DIAPH2: variants seen among roughly 807,000 people sequenced by gnomAD.
DIAPH2 encodes the protein diaphanous related formin 2, also known as protein diaphanous homolog 2.
DIAPH2 carries 35 observed loss-of-function variants against 92.7 expected under a neutral mutation model. That is an observed-to-expected ratio of 0.38 (90% confidence interval 0.29 to 0.50). The LOEUF (loss-of-function observed/expected upper bound fraction) is 0.50. Ranked by LOEUF, DIAPH2 falls within the 20% of genes least tolerant of loss-of-function variation. DIAPH2 has a pLI of 0.94. For synonymous variants in DIAPH2, 301 were observed against 280.4 expected (o/e 1.07, Z -0.73); for missense variants, 701 against 819.5 (o/e 0.86, Z 1.77).
intron 4 of DIAPH2, among the ~76,000 whole-genome samples, chrX:96,870,900 T>A (rs2065137403): frequency 8.9e-6 from 1 of 112,159 alleles, no homozygotes; most frequent in South Asian, 3.7e-4. Context: ...AAAAGTATTA[T>A]TAAACTTGCT....
At chrX:96,958,816 G>C (rs886947401) in intron 16 of DIAPH2, among the ~76,000 whole-genome samples, 3 of 111,337 alleles carry the variant, frequency 2.7e-5, no homozygotes, top group Non-Finnish European at 5.7e-5. Context: ...CTATATATGA[G>C]TGAGAATATA....
intron 19 of DIAPH2, among the ~76,000 whole-genome samples, chrX:97,096,586 G>C (rs1267306124): frequency 9.0e-6 from 1 of 111,612 alleles, no homozygotes; most frequent in African/African-American, 3.3e-5. Context: ...AGTTTCCCAC[G>C]GGGCACAGCT....
At chrX:97,276,951 C>A (rs2068456493) in intron 23 of DIAPH2, among the ~76,000 whole-genome samples, 1 of 112,446 alleles carries the variant, frequency 8.9e-6, no homozygotes, top group Non-Finnish European at 1.9e-5. Flanking sequence ...GTGGTACAAT[C>A]TATGATCATC....
intron 23 of DIAPH2, among the ~76,000 whole-genome samples, chrX:97,332,991 G>A (rs2069014866): frequency 8.9e-6 from 1 of 112,105 alleles, no homozygotes; most frequent in African/African-American, 3.2e-5. Flanking sequence ...GATATTTGTA[G>A]TAAAATCATC....
At chrX:97,244,748 T>C (rs1229365211) in intron 22 of DIAPH2, among the ~76,000 whole-genome samples, 1 of 111,998 alleles carries the variant, frequency 8.9e-6, no homozygotes, top group Non-Finnish European at 1.9e-5. Context: ...TCTATGTCCC[T>C]TTATTTTCAG....
intron 4 of DIAPH2, among the ~76,000 whole-genome samples, chrX:96,843,218 A>C (rs375091557): frequency 1.7e-3 from 186 of 111,429 alleles, no homozygotes; most frequent in African/African-American, 5.8e-3. Context: ...TCTCCATGTG[A>C]CATGCAAGCT....
intron 20 of DIAPH2, among the ~76,000 whole-genome samples, chrX:97,111,025 T>C (rs1222272081): frequency 9.0e-6 from 1 of 111,577 alleles, no homozygotes; most frequent in African/African-American, 3.3e-5. Flanking sequence ...ATTTGATGTC[T>C]GAGAAGATGG....
Position 97,453,843 on chromosome X carries a change from C to G in DIAPH2, c.3241+24098C>G, listed in dbSNP as rs972842048. The G allele has an allele frequency of 6.3e-5, 7 of 111,312 alleles. No homozygotes were observed. The Admixed American group carries it at 6.7e-4, about 11-fold the overall frequency. 9.2% of individuals were successfully genotyped at this position (111,312 alleles called of 1,213,427 possible). On this transcript the variant is annotated intron_variant, in intron 26 of 26. Transcript: ENST00000324765. Reference sequence around the variant, plus strand: ...GCAGAAATAAATTTAAACGAGGGAACTTTTATATCTGTGTAGGTGTGTATT... The same window carrying G: ...GCAGAAATAAATTTAAACGAGGGAAGTTTTATATCTGTGTAGGTGTGTATT...
At chrX:97,244,002 G>T (rs1016290538) in intron 22 of DIAPH2, among the ~76,000 whole-genome samples, 2 of 111,618 alleles carry the variant, frequency 1.8e-5, no homozygotes, top group African/African-American at 6.5e-5. Context: ...TAGGCAGCTT[G>T]GAGTTTTATA....
At chrX:97,307,760 T>G (rs2068758962) in intron 23 of DIAPH2, among the ~76,000 whole-genome samples, 1 of 108,348 alleles carries the variant, frequency 9.2e-6, no homozygotes, top group Admixed American at 1.0e-4. Context: ...AATACAAAAT[T>G]AGCCGGGCGT....
At chrX:96,882,968 A>AC (rs1422660711) in intron 5 of DIAPH2, among the ~76,000 whole-genome samples, 2 of 78,459 alleles carry the variant, frequency 2.5e-5, no homozygotes, top group African/African-American at 7.4e-5. Flanking sequence ...CCAAAAAAAA[A>AC]AAAAAAAAAA....
intron 3 of DIAPH2, among the ~76,000 whole-genome samples, chrX:96,752,045 G>A (rs1289636776): frequency 8.9e-6 from 1 of 111,734 alleles, no homozygotes; most frequent in Non-Finnish European, 1.9e-5. Context: ...GCTTGCTTTT[G>A]TTTTGAATAC....
intron 23 of DIAPH2, among the ~76,000 whole-genome samples, chrX:97,347,823 A>G (rs1206532486): frequency 2.7e-5 from 3 of 111,164 alleles, no homozygotes; most frequent in African/African-American, 9.8e-5. Flanking sequence ...GTGTAAGAAG[A>G]AGCGATTAGG....
At chrX:97,161,051 G>GTTTTTTTTT (rs533317066) in intron 22 of DIAPH2, among the ~76,000 whole-genome samples, 8 of 88,883 alleles carry the variant, frequency 9.0e-5, no homozygotes, top group Non-Finnish European at 1.3e-4. Flanking sequence ...TTGTTTTTTT[G>GTTTTTTTTT]TTTTTTTTTT....
rs185832259 is a variant in DIAPH2, at chrX:96,815,814, G to A, written c.447+57556G>A. 1.2e-3 allele frequency among the ~76,000 whole-genome samples: 131 copies of A among 111,330 alleles called. 1 individual carries two copies. Among genetic ancestry groups the A allele is most frequent in the Middle Eastern group, 4.6e-3 (1 of 217 alleles). On this transcript the variant is annotated intron_variant, in intron 4 of 26. Coordinates refer to ENST00000324765, the MANE Select transcript of DIAPH2 (RefSeq NM_006729.5). ...CAAGTAGCTGGGACTACAGGTGCAC[G>A]CTGCCACATCCGGCTATTTTTTTTT...
intron 26 of DIAPH2, chrX:97,454,011 C>T (rs1335008680): frequency 1.8e-5 from 2 of 111,712 alleles, no homozygotes; most frequent in Admixed American, 1.9e-4. Context: ...CAAAATATGG[C>T]AGTAAACCTG....
intron 24 of DIAPH2, among the ~76,000 whole-genome samples, chrX:97,365,920 G>C (rs1268844973): frequency 9.1e-6 from 1 of 110,330 alleles, no homozygotes; most frequent in East Asian, 2.9e-4. Flanking sequence ...GGCTGGTCTC[G>C]AACTCCTGGC....
intron 18 of DIAPH2, among the ~76,000 whole-genome samples, chrX:97,074,171 C>T (rs1173704375): frequency 8.9e-6 from 1 of 111,775 alleles, no homozygotes; most frequent in Admixed American, 9.5e-5. Context: ...CTTTGGGAGG[C>T]CGAGGCAGGT....
At chrX:96,854,418 A>G (rs1283283977) in intron 4 of DIAPH2, among the ~76,000 whole-genome samples, 1 of 106,187 alleles carries the variant, frequency 9.4e-6, no homozygotes, top group Non-Finnish European at 1.9e-5. Flanking sequence ...ACAAAAATAA[A>G]ATTCTTAACC....
Sources: gnomAD v4.1 joint callset for allele counts (sites outside exome capture counted in the v4.1 genomes callset) on GRCh38, gnomAD v4.1.1 for gene constraint, MANE v1.5 for transcripts, NCBI Gene and HGNC (gene_info 2026-07-23, HGNC 2026-07-21) for gene names.